The following ZNF23 variants were observed in gnomAD, a reference collection of about 807,000 sequenced individuals.
ZNF23 encodes zinc finger protein 23.
In ZNF23, 48 loss-of-function variants were observed where a neutral mutation model predicts 56.2. That is an observed-to-expected ratio of 0.85 (90% CI 0.68 to 1.09). ZNF23 has a LOEUF of 1.09. Ranked by LOEUF, ZNF23 falls within the 50% of genes least tolerant of loss-of-function variation. ZNF23 has a pLI of 0.00. For missense variants in ZNF23, 805 were observed against 811.4 expected, an observed-to-expected ratio of 0.99 and a Z score of 0.10; for synonymous variants, 266 against 283.3, an observed-to-expected ratio of 0.94 and a Z score of 0.61.
chr16:71,453,613 C>T (rs1179312485), intron 3 of ZNF23: 4 of 492,410 alleles, frequency 8.1e-6, no homozygotes, highest in East Asian at 3.4e-5. Flanking sequence ...AGGGCCCAGA[C>T]TGTAGGCCTA....
chr16:71,454,795 GA>G (rs2043168558), intron 2 of ZNF23, among the ~76,000 whole-genome samples: 1 of 152,116 alleles, frequency 6.6e-6, no homozygotes, highest in Non-Finnish European at 1.5e-5. Context: ...CAACTTCTCC[GA>G]AAGCTTCACT....
At chr16:71,452,288 A>G (rs1236901528) in intron 4 of ZNF23, 1 of 152,230 alleles carries the variant, frequency 6.6e-6, no homozygotes, top group African/African-American at 2.4e-5. Flanking sequence ...AGAATGATCA[A>G]AAGGAATAAA....
intron 4 of ZNF23, chr16:71,451,749 C>T (rs1226770285): frequency 6.6e-6 from 1 of 152,214 alleles, no homozygotes; most frequent in Admixed American, 6.5e-5. Flanking sequence ...ACTAAGACAT[C>T]TATACTATCA....
rs1360219403 is a variant in ZNF23, at chr16:71,449,248, C to T, written c.906G>A (p.Lys302=). ...TTAGGCTTCCATTAACACTGAAGGCCTTCCCACACATCTTACACTGATAGG... is the reference window on the plus strand; with the variant it reads ...TTAGGCTTCCATTAACACTGAAGGCTTTCCCACACATCTTACACTGATAGG... The part of the protein sequence containing the change: ...EKPYQCKMCG[K]AFSVNGSLSR... Residue 302 remains lysine (K), a synonymous_variant, in exon 5 of 5, where the codon AAG becomes AAA. Coordinates refer to ENST00000647773, the MANE Select transcript of ZNF23 (RefSeq NM_001381984.1). The T allele has an allele frequency of 6.2e-7, 1 of 1,614,020 alleles. No homozygotes were observed. Among genetic ancestry groups the T allele is most frequent in the Non-Finnish European group, 8.5e-7 (1 of 1,179,986 alleles).
chr16:71,449,765 T>C lies in ZNF23; in HGVS notation c.389A>G (p.Glu130Gly). 1 of 1,614,156 alleles carries C rather than the reference T, an allele frequency of 6.2e-7. No homozygotes were observed. Among genetic ancestry groups the C allele is most frequent in the African/African-American group, 1.3e-5 (1 of 75,076 alleles). Residue 130 changes from glutamate to glycine, a missense_variant, in exon 5 of 5, where the codon GAG becomes GGG. By Grantham distance (98) the Glu-to-Gly change is moderately conservative. Coordinates refer to ENST00000647773, the MANE Select transcript of ZNF23 (RefSeq NM_001381984.1). ...TGCTGAGTGGACTTCCTGTTGTTTC[T>C]CTAGAAGAGAGGCTTCTGAAAAGTC... is the stretch of plus-strand genomic sequence containing the variant. ...ETDFSEASLL[E>G]KQQEVHSAGN...
chr16:71,458,733 A>G (rs547872852), intron 1 of ZNF23, among the ~76,000 whole-genome samples: 3 of 152,216 alleles, frequency 2.0e-5, no homozygotes, highest in African/African-American at 4.8e-5. Context: ...GAGGGCTACT[A>G]TCTATAAGCC....
Position 71,449,415 on chromosome 16 carries a change from C to T in ZNF23, c.739G>A (p.Ala247Thr), listed in dbSNP as rs552696050. The change falls in exon 5 of 5, where the codon GCT (alanine) becomes ACT (threonine). Residue 247 changes from alanine (A) to threonine (T), a missense_variant. Transcript: ENST00000647773. Reference protein sequence around the residue: ...KPYQCSECGKAFSINEKLIWH... With the variant: ...KPYQCSECGKTFSINEKLIWH... ...ATTAATTTCTCATTAATGCTGAAAG[C>T]TTTGCCACACTCCGAACACTGATAA... is the stretch of plus-strand genomic sequence containing the variant. 6.8e-6 allele frequency: 11 copies of T among 1,614,250 alleles called. No individual in the cohort carries two copies. In the Admixed American group the frequency reaches 1.7e-4, roughly 24 times the overall value.
In ZNF23 at chr16:71,448,365, G is replaced by A. The variant is rs766757730; in HGVS notation, c.1789C>T (p.His597Tyr). The part of the protein sequence containing the change: ...SSNYIVHQRI[H>Y]TGEKPFQCKE... ...CACTGAAAGGGTTTCTCTCCTGTAT[G>A]GATTCTCTGGTGCACAATATAGTTA... Residue 597 changes from histidine to tyrosine, a missense_variant, in exon 5 of 5, where the codon CAT becomes TAT. Coordinates refer to ENST00000647773, the MANE Select transcript of ZNF23 (RefSeq NM_001381984.1). 6.2e-7 allele frequency: 1 copy of A among 1,614,066 alleles called. No homozygotes were observed.
intron 3 of ZNF23, 123 bp from the exon 4 acceptor site, chr16:71,453,473 C>A: frequency 2.8e-6 from 2 of 705,876 alleles, no homozygotes; most frequent in South Asian, 3.5e-5. Context: ...AGGTCCCAAG[C>A]CTCAGGACTA....
intron 4 of ZNF23, chr16:71,450,165 T>C: frequency 3.9e-6 from 1 of 255,156 alleles, no homozygotes; most frequent in South Asian, 1.2e-4. Flanking sequence ...TTCAGCTGTG[T>C]AAAGAAAAAT....
In ZNF23 at chr16:71,448,601, G is replaced by T. The variant is rs148797362; in HGVS notation, c.1553C>A (p.Pro518His). The change falls in exon 5 of 5, where the codon CCT (proline) becomes CAT (histidine). Residue 518 changes from proline (P) to histidine (H), a missense_variant. Physicochemically the swap from Pro to His is moderately conservative, Grantham distance 77 (BLOSUM62 -2). Transcript: ENST00000647773. ...RHQRIHTGEK[P>H]FECNECGRCF... ...TCTCCCACACTCATTACATTCAAAA[G>T]GTTTCTCCCCAGTGTGAATTCTCTG... 1.6e-4 allele frequency: 251 copies of T among 1,614,104 alleles called. 1 individual carries two copies. In the East Asian group the frequency reaches 5.6e-3, roughly 36 times the overall value.
chr16:71,451,031 C>T (rs184620651), intron 4 of ZNF23: 60 of 161,444 alleles, frequency 3.7e-4, no homozygotes, highest in Non-Finnish European at 6.8e-4. Context: ...TTCATTTCTA[C>T]TTTAGACAGG....
In ZNF23 at chr16:71,453,894, C is replaced by A. The variant is rs1199460440; in HGVS notation, c.160+148G>T. ...CAAAAGGCTTGGCATTTGCCCCTGC[C>A]AGTAACCTCTAAGTCTAGATTAGGA... On this transcript the variant is annotated intron_variant, in intron 3 of 4. Transcript: ENST00000647773. The A allele has an allele frequency of 5.1e-6, 5 of 976,616 alleles. No individual in the cohort carries two copies. In the Admixed American group the frequency reaches 1.1e-4, roughly 21 times the overall value. The allele number at this position is 976,616 out of a possible 1,614,324, so 60.5% of individuals were successfully genotyped here. A position where few individuals can be genotyped will look rare whatever the true frequency, so the allele number is the denominator to read the frequency against.
At position 71,448,125 on chromosome 16, in the gene ZNF23, GCTGA is replaced by G. The variant is rs759335150; in HGVS notation, c.2025_2028del (p.Gln676IlefsTer20). ...TTTCCTTCACTATGGACACTCTGATGCTGACTGAGCTGGAAGCTAAACCTGAATG... is the reference window on the plus strand; with the variant it reads ...TTTCCTTCACTATGGACACTCTGATGCTGAGCTGGAAGCTAAACCTGAATG... On this transcript the variant is annotated frameshift_variant, in exon 5 of 5. Coordinates refer to ENST00000647773, the MANE Select transcript of ZNF23 (RefSeq NM_001381984.1). LOFTEE classifies it high-confidence loss of function. 6.2e-7 allele frequency: 1 copy of G among 1,612,200 alleles called. No homozygotes were observed. Among genetic ancestry groups the G allele is most frequent in the Non-Finnish European group, 8.5e-7 (1 of 1,179,298 alleles).
chr16:71,448,033 C>G lies in ZNF23; in HGVS notation c.*60G>C. 1 of 1,376,694 alleles carries G rather than the reference C, an allele frequency of 7.3e-7. No homozygotes were observed. Among genetic ancestry groups the G allele is most frequent in the Admixed American group, 2.3e-5 (1 of 42,876 alleles). The allele number at this position is 1,376,694 out of a possible 1,614,324, so 85.3% of individuals were successfully genotyped here. ...CTTGGAGGTTTTTCAATGGATGAAT[C>G]TGATGATACTTGATCCATTTTGGCA... is the stretch of plus-strand genomic sequence containing the variant. On this transcript the variant is annotated 3_prime_UTR_variant, in exon 5 of 5. Coordinates refer to ENST00000647773, the MANE Select transcript of ZNF23 (RefSeq NM_001381984.1).
chr16:71,460,575 C>T (rs1002881515), intron 1 of ZNF23, among the ~76,000 whole-genome samples: 1 of 152,190 alleles, frequency 6.6e-6, no homozygotes, highest in Non-Finnish European at 1.5e-5. Context: ...CAGCACAATA[C>T]TGATGCAAAA....
rs755351890 is a variant in ZNF23 at position 71,453,265 on chromosome 16, T to A, written c.246A>T (p.Thr82=). The change falls in exon 4 of 5, where the codon ACA becomes ACT. Residue 82 remains threonine, a synonymous_variant. Transcript: ENST00000647773. ...TACCAGTCTGGAGGCCCTGGAGGCC[T>A]GTTCCTGCAGCCAGTGGAGATGAGC... The part of the protein sequence containing the change: ...LGGSSPLAAG[T]GLQGLQTVDI... 6 of 1,608,454 alleles carry A rather than the reference T, an allele frequency of 3.7e-6. No homozygotes were observed. The East Asian group carries it at 1.3e-4, about 36-fold the overall frequency.
At chr16:71,458,144 T>C (rs1351139262) in intron 1 of ZNF23, among the ~76,000 whole-genome samples, 2 of 152,212 alleles carry the variant, frequency 1.3e-5, no homozygotes, top group Non-Finnish European at 2.9e-5. Context: ...AGTCTTCTGA[T>C]AGTGAATGAG....
intron 3 of ZNF23, 107 bp from the exon 4 acceptor site, chr16:71,453,457 C>G: frequency 1.3e-6 from 1 of 795,078 alleles, no homozygotes; most frequent in Non-Finnish European, 2.1e-6. Context: ...AGGTAAGAAC[C>G]CCAGGAGGTC....
Sources: gnomAD v4.1 joint callset for allele counts (sites outside exome capture counted in the v4.1 genomes callset) on GRCh38, gnomAD v4.1.1 for gene constraint, MANE v1.5 for transcripts, NCBI Gene and HGNC (gene_info 2026-07-23, HGNC 2026-07-21) for gene names.